DACH2: variants seen among roughly 807,000 people sequenced by gnomAD.
DACH2 encodes the protein dachshund homolog 2.
Under a neutral mutation model 35.8 loss-of-function variants are expected in DACH2, and 17 were observed. The ratio of observed to expected loss-of-function variants is 0.48; its 90% CI spans 0.33 to 0.71. DACH2 has a LOEUF of 0.71. Among genes scored for constraint, DACH2 ranks in the 30% least tolerant of loss-of-function variants. The pLI, the probability that DACH2 is intolerant of heterozygous loss-of-function variation, is 0.02. For synonymous variants in DACH2, 195 were observed against 177.3 expected, an observed-to-expected ratio of 1.10 and a Z score of -0.79; for missense variants, 469 against 472.7, an observed-to-expected ratio of 0.99 and a Z score of 0.07.
At chrX:86,577,921 C>T (rs1365072634) in intron 3 of DACH2, among the ~76,000 whole-genome samples, 1 of 111,949 alleles carries the variant, frequency 8.9e-6, no homozygotes, top group East Asian at 2.8e-4. Flanking sequence ...TACCATATAC[C>T]TTGACCTATT....
intron 1 of DACH2, among the ~76,000 whole-genome samples, chrX:86,187,146 G>A (rs2031705369): frequency 9.0e-6 from 1 of 111,293 alleles, no homozygotes; most frequent in Admixed American, 9.6e-5. Context: ...AAAATTTAAT[G>A]AGAGATATTA....
At chrX:86,305,677 T>C (rs1433784532) in intron 1 of DACH2, among the ~76,000 whole-genome samples, 4 of 110,465 alleles carry the variant, frequency 3.6e-5, no homozygotes. Flanking sequence ...ACAATGCGTC[T>C]GACAAGGGGT....
At chrX:86,225,999 C>A (rs990023122) in intron 1 of DACH2, among the ~76,000 whole-genome samples, 4 of 110,937 alleles carry the variant, frequency 3.6e-5, no homozygotes, top group African/African-American at 9.8e-5. Flanking sequence ...TGAGTATTCA[C>A]AGTTGAAAAA....
chrX:86,528,984 A>G (rs896860804), intron 3 of DACH2, among the ~76,000 whole-genome samples: 4 of 111,969 alleles, frequency 3.6e-5, no homozygotes, highest in Non-Finnish European at 5.6e-5. Flanking sequence ...AATGCAATAC[A>G]TTGGTGTTAA....
chrX:86,822,596 A>G (rs1184592937), intron 11 of DACH2, among the ~76,000 whole-genome samples: 1 of 112,095 alleles, frequency 8.9e-6, no homozygotes, highest in Admixed American at 9.5e-5. Context: ...CCATTCTTGT[A>G]AAAATCTCAC....
At chrX:86,165,541 A>G (rs1440198654) in intron 1 of DACH2, among the ~76,000 whole-genome samples, 1 of 111,170 alleles carries the variant, frequency 9.0e-6, no homozygotes, top group Non-Finnish European at 1.9e-5. Context: ...GTGAGAGGGT[A>G]TCTCATTGTA....
At chrX:86,298,416 C>A (rs2034510881) in intron 1 of DACH2, among the ~76,000 whole-genome samples, 1 of 112,006 alleles carries the variant, frequency 8.9e-6, no homozygotes, top group African/African-American at 3.2e-5. Context: ...TAGAGGCTTA[C>A]AAGAAACACT....
At chrX:86,243,047 G>T (rs752097099) in intron 1 of DACH2, among the ~76,000 whole-genome samples, 1 of 111,622 alleles carries the variant, frequency 9.0e-6, no homozygotes, top group African/African-American at 3.3e-5. Flanking sequence ...TAATATAGAT[G>T]GGGGTCTCAC....
chrX:86,432,722 C>A (rs190355221), intron 2 of DACH2, among the ~76,000 whole-genome samples: 16 of 112,067 alleles, frequency 1.4e-4, no homozygotes, highest in Non-Finnish European at 2.8e-4. Flanking sequence ...ATTACTGTAT[C>A]TATCTAAAGA....
Position 86,496,147 on chromosome X carries a change from T to A in DACH2, c.528-18132T>A, listed in dbSNP as rs780262618. ...TATATTTTGTTTATAACTATTATTA[T>A]CATTGATTTTTAAAATGAAAAACAA... On this transcript the variant is annotated intron_variant, in intron 2 of 11. Coordinates refer to ENST00000373125, the MANE Select transcript of DACH2 (RefSeq NM_053281.3). Among the ~76,000 whole-genome samples the A allele has an allele frequency of 7.2e-5, 8 of 111,795 alleles. No homozygotes were observed. In the South Asian group the frequency reaches 3.0e-3, roughly 41 times the overall value.
chrX:86,486,741 G>A (rs1451187791), intron 2 of DACH2, among the ~76,000 whole-genome samples: 1 of 111,966 alleles, frequency 8.9e-6, no homozygotes. Flanking sequence ...TGGTCCTGCT[G>A]TCTGGCTTTC....
intron 2 of DACH2, among the ~76,000 whole-genome samples, chrX:86,432,270 G>T (rs1354490434): frequency 8.9e-6 from 1 of 111,952 alleles, no homozygotes; most frequent in Non-Finnish European, 1.9e-5. Context: ...TTGTTTGTAG[G>T]TACAAAACAG....
intron 1 of DACH2, among the ~76,000 whole-genome samples, chrX:86,213,101 C>T (rs769686251): frequency 1.5e-4 from 17 of 111,011 alleles, no homozygotes; most frequent in South Asian, 1.5e-3. Flanking sequence ...TATAAATAAA[C>T]GGCATAAATT....
intron 1 of DACH2, among the ~76,000 whole-genome samples, chrX:86,341,440 G>A (rs770420096): frequency 1.1e-3 from 128 of 111,476 alleles, no homozygotes; most frequent in Middle Eastern, 4.6e-3. Context: ...GAAACCTACT[G>A]TTCAGGAAAA....
intron 1 of DACH2, among the ~76,000 whole-genome samples, chrX:86,343,322 T>A (rs1009657206): frequency 9.0e-6 from 1 of 111,071 alleles, no homozygotes; most frequent in Non-Finnish European, 1.9e-5. Context: ...CAGAGCTGTT[T>A]GATGTCTTTT....
At chrX:86,793,302 G>A (rs2042204709) in intron 7 of DACH2, among the ~76,000 whole-genome samples, 1 of 110,759 alleles carries the variant, frequency 9.0e-6, no homozygotes, top group Non-Finnish European at 1.9e-5. Flanking sequence ...GGGATTAATG[G>A]TTTTCAAATA....
In DACH2 at chrX:86,442,319, T is replaced by C. The variant is rs146395980; in HGVS notation, c.527+65457T>C. Among the ~76,000 whole-genome samples the C allele has an allele frequency of 1.6e-3, 173 of 108,659 alleles. 2 individuals are homozygous for C. The East Asian group carries it at 0.047, about 29-fold the overall frequency. 94.4% of individuals were successfully genotyped at this position (108,659 alleles called of 115,157 possible). A position where few individuals can be genotyped will look rare whatever the true frequency, so the allele number is the denominator to read the frequency against. Reference sequence around the variant, plus strand: ...TTCTTGTGTCTTCTTTTGAGAAATGTCTATTCAGGTCTTTTGCTCATTTTT... The same window carrying C: ...TTCTTGTGTCTTCTTTTGAGAAATGCCTATTCAGGTCTTTTGCTCATTTTT... On this transcript the variant is annotated intron_variant, in intron 2 of 11. Coordinates refer to ENST00000373125, the MANE Select transcript of DACH2 (RefSeq NM_053281.3).
intron 4 of DACH2, among the ~76,000 whole-genome samples, chrX:86,657,576 T>G (rs778062853): frequency 4.5e-5 from 5 of 111,580 alleles, no homozygotes; most frequent in African/African-American, 1.6e-4. Context: ...AAAATATAAA[T>G]GAATGGTCTC....
chrX:86,823,707 G>T (rs2042535561), intron 11 of DACH2, among the ~76,000 whole-genome samples: 1 of 111,943 alleles, frequency 8.9e-6, no homozygotes, highest in Non-Finnish European at 1.9e-5. Context: ...AAGAGAAAGA[G>T]TACAAAGAGA....
Sources: allele counts gnomAD v4.1 joint callset (sites outside exome capture counted in the v4.1 genomes callset), GRCh38; gene constraint gnomAD v4.1.1; transcripts MANE v1.5; gene names NCBI Gene and HGNC (gene_info 2026-07-23, HGNC 2026-07-21).